Variants in NDUFS4 observed in about 807,000 individuals in gnomAD.
NDUFS4 encodes the protein NADH:ubiquinone oxidoreductase subunit S4, also known as NADH dehydrogenase [ubiquinone] iron-sulfur protein 4, mitochondrial.
In NDUFS4, 28 loss-of-function variants were observed where a neutral mutation model predicts 24.3. The observed-to-expected ratio is 1.15, with a 90% CI of 0.85 to 1.58. The LOEUF (loss-of-function observed/expected upper bound fraction) is 1.58. Ranked by LOEUF, NDUFS4 falls within the 40% of genes most tolerant of loss-of-function variation. NDUFS4 has a pLI of 0.00. For synonymous variants in NDUFS4, 93 were observed against 69.7 expected (o/e 1.34, Z -1.67); for missense variants, 223 against 207.9 (o/e 1.07, Z -0.45).
chr5:53,619,815 T>G (rs1750975316), intron 2 of NDUFS4, among the ~76,000 whole-genome samples: 1 of 152,198 alleles, frequency 6.6e-6, no homozygotes, highest in Non-Finnish European at 1.5e-5. Flanking sequence ...AGCATAATTA[T>G]AAACGAATGT....
intron 4 of NDUFS4, among the ~76,000 whole-genome samples, chr5:53,665,401 T>G (rs560041346): frequency 3.9e-5 from 6 of 152,350 alleles, no homozygotes; most frequent in Non-Finnish European, 7.4e-5. Context: ...TGCCTTTTGT[T>G]TGGCTATGCC....
chr5:53,602,745 A>G (rs1750365655), intron 1 of NDUFS4, among the ~76,000 whole-genome samples: 1 of 152,238 alleles, frequency 6.6e-6, no homozygotes, highest in Non-Finnish European at 1.5e-5. Flanking sequence ...AACTCTTAAG[A>G]TGCTAAAATG....
At chr5:53,617,151 T>C (rs540890271) in intron 2 of NDUFS4, among the ~76,000 whole-genome samples, 2 of 152,348 alleles carry the variant, frequency 1.3e-5, no homozygotes, top group East Asian at 1.9e-4. Flanking sequence ...TTGGTGCTGA[T>C]AGCTTCAAAT....
intron 3 of NDUFS4, among the ~76,000 whole-genome samples, chr5:53,650,402 G>C (rs1281215762): frequency 6.6e-6 from 1 of 152,174 alleles, no homozygotes; most frequent in African/African-American, 2.4e-5. Context: ...TGATACAGGA[G>C]ACTTCAGAAA....
intron 1 of NDUFS4, among the ~76,000 whole-genome samples, chr5:53,564,873 C>G (rs1258243593): frequency 6.6e-6 from 1 of 152,152 alleles, no homozygotes; most frequent in Non-Finnish European, 1.5e-5. Context: ...ATATAGTAAG[C>G]CTTCCCTAGA....
chr5:53,600,442 G>T (rs1204917052), intron 1 of NDUFS4, among the ~76,000 whole-genome samples: 2 of 152,034 alleles, frequency 1.3e-5, no homozygotes, highest in African/African-American at 2.4e-5. Context: ...CTGAGTAGCT[G>T]GGACTACAGG....
chr5:53,673,471 A>G (rs972524897), intron 4 of NDUFS4, among the ~76,000 whole-genome samples: 2 of 152,152 alleles, frequency 1.3e-5, no homozygotes, highest in African/African-American at 4.8e-5. Context: ...TAGATATAGA[A>G]TCATAGGTAC....
intron 1 of NDUFS4, among the ~76,000 whole-genome samples, chr5:53,597,469 AT>A (rs1750165500): frequency 6.6e-6 from 1 of 152,186 alleles, no homozygotes; most frequent in South Asian, 2.1e-4. Flanking sequence ...GAATATGGGA[AT>A]TTTACTAAAT....
chr5:53,652,795 T>C (rs2112515004), intron 3 of NDUFS4, among the ~76,000 whole-genome samples: 2 of 152,344 alleles, frequency 1.3e-5, no homozygotes, highest in East Asian at 3.9e-4. Flanking sequence ...GAAAAATATC[T>C]TAAGGTGCAA....
intron 2 of NDUFS4, among the ~76,000 whole-genome samples, chr5:53,626,153 T>G (rs1481117578): frequency 1.3e-5 from 2 of 152,194 alleles, no homozygotes; most frequent in Non-Finnish European, 2.9e-5. Context: ...TTTCTCTTCT[T>G]GTGTTACTTT....
At chr5:53,587,175 T>G (rs1749787649) in intron 1 of NDUFS4, among the ~76,000 whole-genome samples, 1 of 152,134 alleles carries the variant, frequency 6.6e-6, no homozygotes. Flanking sequence ...CTATCCCATC[T>G]GCTCATTTAC....
intron 2 of NDUFS4, among the ~76,000 whole-genome samples, chr5:53,640,503 C>A (rs1751680212): frequency 6.6e-6 from 1 of 152,108 alleles, no homozygotes; most frequent in Admixed American, 6.6e-5. Flanking sequence ...CAGGCTGATT[C>A]TACTCATGGC....
intron 1 of NDUFS4, among the ~76,000 whole-genome samples, chr5:53,590,495 G>A (rs879529203): frequency 9.9e-5 from 15 of 152,276 alleles, no homozygotes; most frequent in Non-Finnish European, 2.1e-4. Flanking sequence ...TTTTTAAAAA[G>A]TATATAATTT....
chr5:53,672,607 T>G (rs1740314314), intron 4 of NDUFS4, among the ~76,000 whole-genome samples: 1 of 16,524 alleles, frequency 6.1e-5, no homozygotes, highest in Admixed American at 7.7e-4. Flanking sequence ...AAACAAAGGT[T>G]TTTTTTTTCT....
intron 1 of NDUFS4, among the ~76,000 whole-genome samples, chr5:53,575,251 G>A (rs1482192468): frequency 6.6e-6 from 1 of 152,160 alleles, no homozygotes; most frequent in Non-Finnish European, 1.5e-5. Flanking sequence ...CTCACTGCTA[G>A]TTCAGTGGTC....
In NDUFS4 at chr5:53,652,774, T is replaced by C. The variant is rs201272964; in HGVS notation, c.351-5777T>C. Among the ~76,000 whole-genome samples, 10 of 152,328 alleles carry C rather than the reference T, an allele frequency of 6.6e-5. No homozygotes were observed. The East Asian group carries it at 1.9e-3, about 29-fold the overall frequency. Reference sequence around the variant, plus strand: ...AACTCAAAGGTAAAAGATTTATCTTTGTGTAAATATGAAAAATATCTTAAG... The same window carrying C: ...AACTCAAAGGTAAAAGATTTATCTTCGTGTAAATATGAAAAATATCTTAAG... On this transcript the variant is annotated intron_variant, in intron 3 of 4. Coordinates refer to ENST00000296684, the MANE Select transcript of NDUFS4 (RefSeq NM_002495.4).
intron 1 of NDUFS4, among the ~76,000 whole-genome samples, chr5:53,567,367 T>C (rs1165161592): frequency 6.6e-6 from 1 of 152,226 alleles, no homozygotes; most frequent in Non-Finnish European, 1.5e-5. Flanking sequence ...CATGGAATGC[T>C]CTTATCTTTA....
chr5:53,653,741 A>G (rs375503247), intron 3 of NDUFS4, among the ~76,000 whole-genome samples: 36 of 152,214 alleles, frequency 2.4e-4, no homozygotes, highest in African/African-American at 8.2e-4. Flanking sequence ...ATATGCATAT[A>G]TTTAAGTTTA....
At chr5:53,619,285 A>G (rs1233894532) in intron 2 of NDUFS4, among the ~76,000 whole-genome samples, 1 of 143,190 alleles carries the variant, frequency 7.0e-6, no homozygotes, top group Non-Finnish European at 1.5e-5. Flanking sequence ...ACATAGTGAA[A>G]CCCCTTTTCT....
Sources: gnomAD v4.1 joint callset for allele counts (sites outside exome capture counted in the v4.1 genomes callset) on GRCh38, gnomAD v4.1.1 for gene constraint, MANE v1.5 for transcripts, NCBI Gene and HGNC (gene_info 2026-07-23, HGNC 2026-07-21) for gene names.